The following GRM1 variants were observed in gnomAD, a reference collection of about 807,000 sequenced individuals.
GRM1 encodes the protein metabotropic glutamate receptor 1.
GRM1 carries 33 observed loss-of-function variants against 90.9 expected under a neutral mutation model. The ratio of observed to expected loss-of-function variants is 0.36; its 90% confidence interval spans 0.28 to 0.49. The LOEUF is 0.49. Among genes scored for constraint, GRM1 ranks in the 20% least tolerant of loss-of-function variants. GRM1 has a pLI of 0.99. For synonymous variants in GRM1, 700 were observed against 613.2 expected (o/e 1.14, Z -2.09); for missense variants, 1,190 against 1,534.3 (o/e 0.78, Z 3.75).
intron 5 of GRM1, among the ~76,000 whole-genome samples, chr6:146,385,221 T>G (rs1457543616): frequency 6.6e-6 from 1 of 151,912 alleles, no homozygotes; most frequent in Non-Finnish European, 1.5e-5. Flanking sequence ...GATAAAAAAT[T>G]AATATCCAAA....
chr6:146,117,349 T>A (rs561352235), intron 1 of GRM1, among the ~76,000 whole-genome samples: 3 of 152,048 alleles, frequency 2.0e-5, no homozygotes, highest in Non-Finnish European at 4.4e-5. Flanking sequence ...ACTCCCTTTT[T>A]AAAATTGTTG....
chr6:146,426,307 GAC>G (rs111288696), intron 7 of GRM1, among the ~76,000 whole-genome samples: 28 of 149,600 alleles, frequency 1.9e-4, no homozygotes, highest in Non-Finnish European at 2.8e-4. Context: ...ACCTGGGGTA[GAC>G]ACACACACAC....
chr6:146,289,679 G>A (rs1782907310), intron 2 of GRM1, among the ~76,000 whole-genome samples: 1 of 152,160 alleles, frequency 6.6e-6, no homozygotes, highest in Non-Finnish European at 1.5e-5. Flanking sequence ...TAAGTGTCCT[G>A]TACAGGGGTA....
rs533318653 is a variant in GRM1 at position 146,096,702 on chromosome 6, G to C, written c.701-62646G>C. 4.6e-5 allele frequency among the ~76,000 whole-genome samples: 7 copies of C among 152,230 alleles called. No individual in the cohort carries two copies. The East Asian group carries it at 1.4e-3, about 29-fold the overall frequency. On this transcript the variant is annotated intron_variant, in intron 1 of 7. Transcript: ENST00000282753. ...CTGATTAAGGAGTGATATTAGATGG[G>C]TGCTAATTCTTAGGAAGATGAGAGA...
chr6:146,325,987 T>C (rs1269215104), intron 3 of GRM1, among the ~76,000 whole-genome samples: 2 of 152,194 alleles, frequency 1.3e-5, no homozygotes, highest in Non-Finnish European at 2.9e-5. Context: ...TAGCGCCAGG[T>C]TTGGTTTGTA....
At chr6:146,188,234 A>T (rs1583135951) in intron 2 of GRM1, among the ~76,000 whole-genome samples, 2 of 152,104 alleles carry the variant, frequency 1.3e-5, no homozygotes, top group African/African-American at 4.8e-5. Flanking sequence ...TCCATCCTTT[A>T]TCCTACCGTT....
intron 1 of GRM1, among the ~76,000 whole-genome samples, chr6:146,076,044 G>C (rs751375868): frequency 4.6e-5 from 7 of 152,182 alleles, no homozygotes; most frequent in Non-Finnish European, 1.0e-4. Context: ...GGGGGACAAA[G>C]TTCAATCTAT....
chr6:146,154,865 T>C (rs967264963), intron 1 of GRM1, among the ~76,000 whole-genome samples: 24 of 152,236 alleles, frequency 1.6e-4, no homozygotes, highest in African/African-American at 5.3e-4. Context: ...CTGAATATTA[T>C]TAATCTTTGA....
At chr6:146,418,438 G>A (rs1009692074) in intron 7 of GRM1, among the ~76,000 whole-genome samples, 20 of 151,612 alleles carry the variant, frequency 1.3e-4, no homozygotes, top group Middle Eastern at 3.4e-3. Context: ...GAAGCACAAG[G>A]AAGCTAATAT....
At chr6:146,249,074 A>G (rs1032832056) in intron 2 of GRM1, among the ~76,000 whole-genome samples, 1 of 152,232 alleles carries the variant, frequency 6.6e-6, no homozygotes, top group African/African-American at 2.4e-5. Flanking sequence ...AGTTACATGC[A>G]TTCACAAGAA....
chr6:146,082,213 T>C (rs1455420546), intron 1 of GRM1, among the ~76,000 whole-genome samples: 3 of 152,196 alleles, frequency 2.0e-5, no homozygotes, highest in Non-Finnish European at 4.4e-5. Context: ...TGGAGTGTGG[T>C]GGTGCAACCT....
At chr6:146,094,672 A>G (rs1479227459) in intron 1 of GRM1, among the ~76,000 whole-genome samples, 1 of 152,122 alleles carries the variant, frequency 6.6e-6, no homozygotes, top group East Asian at 1.9e-4. Flanking sequence ...GTTATTCTAA[A>G]TGGCAAAGAC....
intron 1 of GRM1, among the ~76,000 whole-genome samples, chr6:146,055,200 G>C (rs1342174257): frequency 6.6e-6 from 1 of 151,932 alleles, no homozygotes; most frequent in Admixed American, 6.6e-5. Context: ...ATACTTTTTG[G>C]GAAAAATTAA....
At chr6:146,228,818 A>G (rs1200042364) in intron 2 of GRM1, among the ~76,000 whole-genome samples, 2 of 152,116 alleles carry the variant, frequency 1.3e-5, no homozygotes, top group East Asian at 1.9e-4. Context: ...CTTTTTATCA[A>G]TTACATCATC....
At chr6:146,268,092 G>T (rs1224207558) in intron 2 of GRM1, among the ~76,000 whole-genome samples, 1 of 151,894 alleles carries the variant, frequency 6.6e-6, no homozygotes, top group African/African-American at 2.4e-5. Context: ...CCCCTTTTTT[G>T]ACCACTTCTG....
intron 1 of GRM1, among the ~76,000 whole-genome samples, chr6:146,129,653 T>A (rs1025660598): frequency 1.3e-5 from 2 of 152,172 alleles, no homozygotes; most frequent in Non-Finnish European, 2.9e-5. Flanking sequence ...CTGTTTGAGA[T>A]AGAAGGTTGT....
At chr6:146,128,138 T>G (rs117804146) in intron 1 of GRM1, among the ~76,000 whole-genome samples, 2,110 of 152,226 alleles carry the variant, frequency 0.014, 26 homozygotes, top group Middle Eastern at 0.041. Flanking sequence ...TGTAGCACCT[T>G]CATGACTTAG....
At chr6:146,209,479 C>A (rs1006304995) in intron 2 of GRM1, among the ~76,000 whole-genome samples, 1 of 152,064 alleles carries the variant, frequency 6.6e-6, no homozygotes, top group Non-Finnish European at 1.5e-5. Context: ...AAGTAATGAA[C>A]CATCACATAA....
Position 146,378,237 on chromosome 6 carries a change from G to T in GRM1, c.1603-8653G>T, listed in dbSNP as rs1014462753. 2.6e-5 allele frequency among the ~76,000 whole-genome samples: 4 copies of T among 152,286 alleles called. No individual in the cohort carries two copies. In the East Asian group the frequency reaches 7.7e-4, roughly 29 times the overall value. ...AGCCCCCATACAGAGTTCCCACTGG[G>T]GCACTGCCTAGTGGAGCTGTAAGAA... is the stretch of plus-strand genomic sequence containing the variant. On this transcript the variant is annotated intron_variant, in intron 5 of 7. Coordinates refer to ENST00000282753, the MANE Select transcript of GRM1 (RefSeq NM_001278064.2).
Sources: gnomAD v4.1 joint callset for allele counts (sites outside exome capture counted in the v4.1 genomes callset) on GRCh38, gnomAD v4.1.1 for gene constraint, MANE v1.5 for transcripts, NCBI Gene and HGNC (gene_info 2026-07-23, HGNC 2026-07-21) for gene names.